GRM7: variants seen among roughly 807,000 people sequenced by gnomAD.
GRM7 encodes metabotropic glutamate receptor 7.
Under a neutral mutation model 84.5 loss-of-function variants are expected in GRM7, and 35 were observed. The observed-to-expected ratio is 0.41, with a 90% CI of 0.32 to 0.55. GRM7 has a LOEUF of 0.55. GRM7 is among the 20% of genes least tolerant of loss of function. GRM7 has a pLI of 0.19. For missense variants in GRM7, 1,003 were observed against 1,194.6 expected, an observed-to-expected ratio of 0.84 and a Z score of 2.36; for synonymous variants, 487 against 455.1, an observed-to-expected ratio of 1.07 and a Z score of -0.89.
chr3:7,284,516 G>A lies in GRM7; in HGVS notation c.737-14168G>A, dbSNP rs77287656. Among the ~76,000 whole-genome samples the A allele has an allele frequency of 8.9e-3, 1,359 of 152,036 alleles. 20 individuals are homozygous for A. Among genetic ancestry groups the A allele is most frequent in the African/African-American group, 0.031 (1,292 of 41,444 alleles). On this transcript the variant is annotated intron_variant, in intron 2 of 9. Coordinates refer to ENST00000357716, the MANE Select transcript of GRM7 (RefSeq NM_000844.4). ...TATAAATTTATCTTGCCTCTTTATC[G>A]CAATGTAGATTTAATCAACATTCAG...
chr3:7,624,276 G>A (rs114922885), intron 8 of GRM7, among the ~76,000 whole-genome samples: 2,145 of 152,176 alleles, frequency 0.014, 27 homozygotes, highest in Non-Finnish European at 0.022. Flanking sequence ...ATGGAGTTGG[G>A]AAGGCCTCTC....
At chr3:7,107,083 C>T (rs914210123) in intron 1 of GRM7, among the ~76,000 whole-genome samples, 2 of 152,008 alleles carry the variant, frequency 1.3e-5, no homozygotes, top group South Asian at 4.1e-4. Flanking sequence ...GATAGCCTGA[C>T]TTGAGACTGA....
At chr3:7,107,467 A>G (rs1285756580) in intron 1 of GRM7, among the ~76,000 whole-genome samples, 2 of 152,076 alleles carry the variant, frequency 1.3e-5, no homozygotes, top group Non-Finnish European at 2.9e-5. Context: ...GTACTTTTCT[A>G]TGAGTAATAT....
intron 1 of GRM7, among the ~76,000 whole-genome samples, chr3:7,042,719 T>C (rs1265473729): frequency 6.6e-6 from 1 of 152,194 alleles, no homozygotes; most frequent in Non-Finnish European, 1.5e-5. Flanking sequence ...ACATAGAATT[T>C]TGTTTCTAGC....
intron 5 of GRM7, among the ~76,000 whole-genome samples, chr3:7,450,300 A>G (rs779352861): frequency 9.9e-5 from 15 of 152,276 alleles, no homozygotes; most frequent in Middle Eastern, 3.4e-3. Flanking sequence ...CTGAGGTTGC[A>G]GGGAAACAAA....
At position 7,590,731 on chromosome 3, in the gene GRM7, C is replaced by G. The variant is rs138314227; in HGVS notation, c.2451+11374C>G. ...AGACCTTTCCATGCTGTGTTCTTCT[C>G]ACCACTCGAAGCTCAGCCTACAGAC... On this transcript the variant is annotated intron_variant, in intron 8 of 9. Coordinates refer to ENST00000357716, the MANE Select transcript of GRM7 (RefSeq NM_000844.4). 1.4e-3 allele frequency among the ~76,000 whole-genome samples: 220 copies of G among 152,236 alleles called. 1 individual carries two copies. The highest frequency in any genetic ancestry group is 4.8e-3 in the African/African-American group (199 of 41,526).
At position 7,077,583 on chromosome 3, in the gene GRM7, G is replaced by A. The variant is rs1007098175; in HGVS notation, c.520-68869G>A. Among the ~76,000 whole-genome samples, 91 of 131,950 alleles carry A rather than the reference G, an allele frequency of 6.9e-4. 1 individual carries two copies. Among genetic ancestry groups the A allele is most frequent in the Admixed American group, 1.4e-3 (18 of 12,628 alleles). The allele number at this position is 131,950 out of a possible 152,430, so 86.6% of individuals were successfully genotyped here. On this transcript the variant is annotated intron_variant, in intron 1 of 9. Coordinates refer to ENST00000357716, the MANE Select transcript of GRM7 (RefSeq NM_000844.4). ...ACTGGGGCCTGTCGGGGGGTGGGGG[G>A]CTAGGGGAGGGATAGCATTAAGAGA...
At chr3:7,224,666 T>C (rs1356055009) in intron 2 of GRM7, among the ~76,000 whole-genome samples, 1 of 152,206 alleles carries the variant, frequency 6.6e-6, no homozygotes, top group African/African-American at 2.4e-5. Context: ...CCACTACTCA[T>C]AGCAAAATAT....
At chr3:7,299,977 C>A (rs142344969) in intron 3 of GRM7, among the ~76,000 whole-genome samples, 20 of 151,290 alleles carry the variant, frequency 1.3e-4, no homozygotes, top group African/African-American at 4.8e-4. Flanking sequence ...ACATAACATG[C>A]AAATATACTT....
chr3:7,603,644 TCTC>T (rs915752602), intron 8 of GRM7, among the ~76,000 whole-genome samples: 16 of 152,152 alleles, frequency 1.1e-4, no homozygotes, highest in African/African-American at 3.9e-4. Context: ...CCATCATTTT[TCTC>T]CTAACATCTG....
At chr3:7,051,052 C>T (rs1205642410) in intron 1 of GRM7, among the ~76,000 whole-genome samples, 1 of 151,706 alleles carries the variant, frequency 6.6e-6, no homozygotes, top group Non-Finnish European at 1.5e-5. Flanking sequence ...TACTATATTT[C>T]ATACATTAAT....
At chr3:7,052,940 G>C (rs1697062572) in intron 1 of GRM7, among the ~76,000 whole-genome samples, 1 of 150,718 alleles carries the variant, frequency 6.6e-6, no homozygotes, top group African/African-American at 2.4e-5. Context: ...TTATTGTAAG[G>C]GTATGTTTAA....
chr3:7,564,155 T>C (rs1207420184), intron 7 of GRM7, among the ~76,000 whole-genome samples: 1 of 152,214 alleles, frequency 6.6e-6, no homozygotes, highest in Non-Finnish European at 1.5e-5. Context: ...GAACGAACTT[T>C]CACAATTGTT....
At chr3:7,071,841 T>G (rs1392011300) in intron 1 of GRM7, among the ~76,000 whole-genome samples, 1 of 152,160 alleles carries the variant, frequency 6.6e-6, no homozygotes, top group East Asian at 1.9e-4. Context: ...AAATAGACCT[T>G]GTTTTGTCTA....
At position 6,861,463 on chromosome 3, in the gene GRM7, G is replaced by A; in HGVS notation, c.75G>A (p.Leu25=). 6.3e-7 allele frequency: 1 copy of A among 1,596,472 alleles called. No individual in the cohort carries two copies. Residue 25 remains leucine, a synonymous_variant, in exon 1 of 10, where the codon CTG becomes CTA. Coordinates refer to ENST00000357716, the MANE Select transcript of GRM7 (RefSeq NM_000844.4). The surrounding 1 kb of genome is among the most constrained non-coding windows in gnomAD (Gnocchi z 6.4). The part of the protein sequence containing the change: ...KFPCCVLEVL[L]CALAAAARGQ... ...CCTGCTGCGTGCTGGAGGTGCTCCT[G>A]TGCGCGCTGGCGGCGGCGGCGCGCG...
intron 1 of GRM7, among the ~76,000 whole-genome samples, chr3:7,118,152 A>G (rs1282150584): frequency 1.3e-5 from 2 of 152,078 alleles, no homozygotes; most frequent in Non-Finnish European, 2.9e-5. Context: ...TTGGGAGGGC[A>G]AGGTGGGAGG....
chr3:7,716,662 C>T (rs906231975), intron 9 of GRM7, among the ~76,000 whole-genome samples: 4 of 152,202 alleles, frequency 2.6e-5, no homozygotes, highest in South Asian at 4.1e-4. Flanking sequence ...GGACATCCTA[C>T]TCCCATGGGT....
intron 9 of GRM7, among the ~76,000 whole-genome samples, chr3:7,729,026 G>C (rs1171956693): frequency 7.2e-6 from 1 of 138,480 alleles, no homozygotes; most frequent in Non-Finnish European, 1.5e-5. Flanking sequence ...AGCAACCTCA[G>C]CATAATGCCC....
intron 4 of GRM7, among the ~76,000 whole-genome samples, chr3:7,393,996 T>C (rs6800713): frequency 0.51 from 77,006 of 151,934 alleles, 19,968 homozygotes; most frequent in Middle Eastern, 0.6. Flanking sequence ...TTTACCTATG[T>C]CATCTTTTAT....
Sources: allele counts gnomAD v4.1 joint callset (sites outside exome capture counted in the v4.1 genomes callset), GRCh38; gene constraint gnomAD v4.1.1; non-coding constraint Gnocchi (gnomAD v3.1); transcripts MANE v1.5; gene names NCBI Gene and HGNC (gene_info 2026-07-23, HGNC 2026-07-21).